Variants in TOGARAM2 observed in about 807,000 individuals in gnomAD.
TOGARAM2 encodes the protein TOG array regulator of axonemal microtubules 2.
A neutral mutation model predicts 93.3 loss-of-function variants in TOGARAM2; 85 were observed. That is an observed-to-expected ratio of 0.91 (90% CI 0.76 to 1.09). The LOEUF (loss-of-function observed/expected upper bound fraction) is 1.09. TOGARAM2 is among the 50% of genes least tolerant of loss of function. The pLI is 0.00. For synonymous variants in TOGARAM2, 593 were observed against 552.8 expected (o/e 1.07, Z -1.02); for missense variants, 1,277 against 1,334.5 (o/e 0.96, Z 0.67).
intron 1 of TOGARAM2, among the ~76,000 whole-genome samples, chr2:28,958,380 A>G (rs2148210515): frequency 6.7e-6 from 1 of 150,090 alleles, no homozygotes; most frequent in South Asian, 2.1e-4. Context: ...ATCATGGCTC[A>G]CTGCAGCCTC....
At position 29,024,242 on chromosome 2, in the gene TOGARAM2, C is replaced by A. The variant is rs1329843470; in HGVS notation, c.1721C>A (p.Ala574Asp). 1 of 1,611,412 alleles carries A rather than the reference C, an allele frequency of 6.2e-7. No individual in the cohort carries two copies. The highest frequency in any genetic ancestry group is 1.7e-5 in the Admixed American group (1 of 59,728). ...ATGGACCAGGAGGCCGAGGAGATCG[C>A]CCGCTGCTTGCTGCAGAAGATGGCG... ...KNMDQEAEEI[A>D]RCLLQKMADT... The change falls in exon 13 of 20, where the codon GCC (alanine) becomes GAC (aspartate). Residue 574 changes from alanine (A) to aspartate (D), a missense_variant. By Grantham distance (126) the Ala-to-Asp change is moderately radical. Coordinates refer to ENST00000379558, the MANE Select transcript of TOGARAM2 (RefSeq NM_199280.4).
At chr2:29,007,011 G>A (rs138356434) in intron 6 of TOGARAM2, among the ~76,000 whole-genome samples, 8 of 152,218 alleles carry the variant, frequency 5.3e-5, no homozygotes, top group Admixed American at 1.3e-4. Context: ...CTTTATACCT[G>A]CTTCTCGACC....
At chr2:29,007,803 T>C (rs6760800) in intron 6 of TOGARAM2, among the ~76,000 whole-genome samples, 111,829 of 151,742 alleles carry the variant, frequency 0.74, 42,707 homozygotes, top group Non-Finnish European at 0.85. Context: ...CCAGTGCTTG[T>C]TCTGTGGGGC....
intron 1 of TOGARAM2, among the ~76,000 whole-genome samples, chr2:28,993,160 CTG>C (rs1357680398): frequency 2.0e-5 from 3 of 152,020 alleles, no homozygotes; most frequent in African/African-American, 7.3e-5. Context: ...GCGTGGAAAT[CTG>C]TAATTTTAAT....
intron 4 of TOGARAM2, among the ~76,000 whole-genome samples, chr2:29,001,493 G>A (rs1312618214): frequency 6.6e-6 from 1 of 151,240 alleles, no homozygotes; most frequent in Non-Finnish European, 1.5e-5. Context: ...CCACCACTAG[G>A]CCCAGCTAAT....
intron 1 of TOGARAM2, among the ~76,000 whole-genome samples, chr2:28,968,975 G>A (rs1671908127): frequency 1.3e-5 from 2 of 152,020 alleles, no homozygotes; most frequent in Admixed American, 1.3e-4. Context: ...GGCTCTCTCT[G>A]CATCTAGGAT....
At chr2:28,991,817 T>C (rs1048373212) in intron 1 of TOGARAM2, among the ~76,000 whole-genome samples, 1 of 152,224 alleles carries the variant, frequency 6.6e-6, no homozygotes, top group African/African-American at 2.4e-5. Flanking sequence ...TCTTCATTCC[T>C]ATGGCCCCGG....
intron 1 of TOGARAM2, among the ~76,000 whole-genome samples, chr2:28,966,300 T>C (rs1671866243): frequency 6.6e-6 from 1 of 151,954 alleles, no homozygotes; most frequent in South Asian, 2.1e-4. Context: ...TTCCTTTTTA[T>C]TTATTTATTT....
At chr2:28,978,909 C>T (rs111499658), upstream of TOGARAM2, among the ~76,000 whole-genome samples, 12 of 151,930 alleles carry the variant, frequency 7.9e-5, no homozygotes, top group Non-Finnish European at 1.5e-4. Flanking sequence ...CACCAGGGGT[C>T]GATACAGGCT....
intron 4 of TOGARAM2, 136 bp downstream of exon 4, chr2:28,999,604 A>G: frequency 9.8e-7 from 1 of 1,023,188 alleles, no homozygotes; most frequent in Non-Finnish European, 1.4e-6. Flanking sequence ...GGTACATACC[A>G]GGTACCTTCT....
rs375361601 is a variant in TOGARAM2, at chr2:29,052,047, C to G, written c.3014C>G (p.Pro1005Arg). 1.9e-6 allele frequency: 3 copies of G among 1,600,018 alleles called. No individual in the cohort carries two copies. The highest frequency in any genetic ancestry group is 2.8e-5 in the African/African-American group (2 of 71,676). ...SRKATDRGVA[P>R]DSKTTGSSYP... Reference sequence around the variant, plus strand: ...AAGGCCACTGACAGAGGGGTGGCCCCTGACAGCAAGACAACTGGCAGCTCA... The same window carrying G: ...AAGGCCACTGACAGAGGGGTGGCCCGTGACAGCAAGACAACTGGCAGCTCA... Residue 1005 changes from proline to arginine, a missense_variant, in exon 20 of 20, where the codon CCT (proline) becomes CGT (arginine). Physicochemically the swap from Pro to Arg is moderately radical, Grantham distance 103 (BLOSUM62 -2). Transcript: ENST00000379558.
chr2:29,025,548 T>C (rs13014261), intron 13 of TOGARAM2, among the ~76,000 whole-genome samples: 45,213 of 151,932 alleles, frequency 0.3, 6,859 homozygotes, highest in Middle Eastern at 0.35. Flanking sequence ...ACCAGGGTCA[T>C]GGCTTGTGCA....
chr2:28,957,325 C>T (rs973180853), intron 1 of TOGARAM2, among the ~76,000 whole-genome samples: 7 of 151,916 alleles, frequency 4.6e-5, no homozygotes, highest in African/African-American at 1.2e-4. Flanking sequence ...GGATTACAGG[C>T]GCCCGCCACC....
intron 1 of TOGARAM2, among the ~76,000 whole-genome samples, chr2:28,965,302 T>C (rs1671852782): frequency 6.6e-6 from 1 of 152,232 alleles, no homozygotes; most frequent in South Asian, 2.1e-4. Context: ...CACTCTGCTA[T>C]TTCTTTTCTA....
At chr2:29,014,049 G>T (rs895589) in intron 7 of TOGARAM2, among the ~76,000 whole-genome samples, 34,422 of 152,024 alleles carry the variant, frequency 0.23, 4,026 homozygotes, top group Middle Eastern at 0.3. Context: ...TTTTCCTGCC[G>T]TACGTACCTC....
At chr2:29,033,221 A>G (rs1330533512) in intron 15 of TOGARAM2, among the ~76,000 whole-genome samples, 170 bp downstream of exon 15, 1 of 152,080 alleles carries the variant, frequency 6.6e-6, no homozygotes, top group African/African-American at 2.4e-5. Context: ...CTCTGTGCTC[A>G]CACCTGGTTC....
Position 29,014,409 on chromosome 2 carries a change from G to A in TOGARAM2, c.892G>A (p.Ala298Thr). Residue 298 changes from alanine to threonine, a missense_variant, in exon 8 of 20, where the codon GCC (alanine) becomes ACC (threonine). Transcript: ENST00000379558. ...CAACCCCTCAGAGCCAAAACCTTTGGCCTCACCCATCAGAGACAGGCCTGC... is the reference window on the plus strand; with the variant it reads ...CAACCCCTCAGAGCCAAAACCTTTGACCTCACCCATCAGAGACAGGCCTGC... ...TPASLEPKPL[A>T]SPIRDRPAAA... is the part of the protein sequence containing the mutation. 1 of 1,610,388 alleles carries A rather than the reference G, an allele frequency of 6.2e-7. No individual in the cohort carries two copies. The highest frequency in any genetic ancestry group is 8.5e-7 in the Non-Finnish European group (1 of 1,178,752).
At chr2:29,012,806 C>CTTCCTCACATTTGTGGCA (rs1335302365) in intron 7 of TOGARAM2, among the ~76,000 whole-genome samples, 5 of 152,236 alleles carry the variant, frequency 3.3e-5, no homozygotes, top group African/African-American at 1.2e-4. Context: ...AAGCTGGGGG[C>CTTCCTCACATTTGTGGCA]TTCCTCACAT....
intron 1 of TOGARAM2, among the ~76,000 whole-genome samples, chr2:28,972,760 C>T (rs1671966443): frequency 6.6e-6 from 1 of 152,162 alleles, no homozygotes; most frequent in Non-Finnish European, 1.5e-5. Flanking sequence ...CTTACATGTC[C>T]TCCATATTCC....
Sources: allele counts gnomAD v4.1 joint callset (sites outside exome capture counted in the v4.1 genomes callset), GRCh38; gene constraint gnomAD v4.1.1; transcripts MANE v1.5; gene names NCBI Gene and HGNC (gene_info 2026-07-23, HGNC 2026-07-21).